Variants in ROBO2 observed in about 807,000 individuals in gnomAD.
ROBO2 encodes the protein roundabout guidance receptor 2.
A neutral mutation model predicts 160.8 loss-of-function variants in ROBO2; 53 were observed. The ratio of observed to expected loss-of-function variants is 0.33; its 90% confidence interval spans 0.26 to 0.41. The LOEUF (loss-of-function observed/expected upper bound fraction) is 0.41, where lower values mean the gene tolerates loss of function less well. Among genes scored for constraint, ROBO2 ranks in the 10% least tolerant of loss-of-function variants. ROBO2 has a pLI of 1.00. For missense variants in ROBO2, 1,577 were observed against 1,722.4 expected, an observed-to-expected ratio of 0.92 and a Z score of 1.49; for synonymous variants, 664 against 611.7, an observed-to-expected ratio of 1.09 and a Z score of -1.26.
At chr3:76,482,197 T>C (rs2079248357) in intron 2 of ROBO2, among the ~76,000 whole-genome samples, 1 of 152,172 alleles carries the variant, frequency 6.6e-6, no homozygotes, top group African/African-American at 2.4e-5. Flanking sequence ...ATGTCATCTT[T>C]TCAAACACAA....
chr3:77,579,511 T>C (rs1393346399), intron 15 of ROBO2, among the ~76,000 whole-genome samples: 1 of 152,152 alleles, frequency 6.6e-6, no homozygotes, highest in African/African-American at 2.4e-5. Context: ...TATTACAACT[T>C]ATAATCACCA....
chr3:76,837,160 T>C (rs1223784398), intron 2 of ROBO2, among the ~76,000 whole-genome samples: 1 of 151,896 alleles, frequency 6.6e-6, no homozygotes, highest in Non-Finnish European at 1.5e-5. Context: ...TCATTTACAG[T>C]TGAAGCAATT....
At chr3:77,483,955 G>A (rs1026270496) in intron 4 of ROBO2, among the ~76,000 whole-genome samples, 3 of 151,280 alleles carry the variant, frequency 2.0e-5, no homozygotes, top group African/African-American at 7.3e-5. Flanking sequence ...GATTCTAGTG[G>A]GCTTGTACTT....
At chr3:77,195,537 C>T (rs1333772976) in intron 2 of ROBO2, among the ~76,000 whole-genome samples, 1 of 152,176 alleles carries the variant, frequency 6.6e-6, no homozygotes, top group African/African-American at 2.4e-5. Context: ...TAAAGATTCT[C>T]TTCTTTTTAA....
chr3:76,569,422 G>A (rs937672362), intron 2 of ROBO2, among the ~76,000 whole-genome samples: 10 of 152,034 alleles, frequency 6.6e-5, no homozygotes, highest in African/African-American at 1.7e-4. Context: ...AAGGCTTGTC[G>A]CTGACTTAGT....
chr3:75,913,751 G>A (rs796546527), intron 1 of ROBO2, among the ~76,000 whole-genome samples: 3 of 152,252 alleles, frequency 2.0e-5, no homozygotes, highest in African/African-American at 7.2e-5. Flanking sequence ...CTTAGTTCTT[G>A]TTTACAAAAT....
intron 2 of ROBO2, among the ~76,000 whole-genome samples, chr3:76,071,036 C>G (rs1186082779): frequency 6.6e-6 from 1 of 152,032 alleles, no homozygotes; most frequent in Non-Finnish European, 1.5e-5. Flanking sequence ...TAATTTCTAC[C>G]ATCGTGAAAA....
At chr3:76,260,175 C>G (rs140404695) in intron 2 of ROBO2, among the ~76,000 whole-genome samples, 2 of 152,040 alleles carry the variant, frequency 1.3e-5, no homozygotes, top group Non-Finnish European at 2.9e-5. Flanking sequence ...TAAGTGTATG[C>G]GGAATCCCAG....
chr3:77,522,483 G>A (rs2090701671), intron 5 of ROBO2, among the ~76,000 whole-genome samples: 1 of 151,048 alleles, frequency 6.6e-6, no homozygotes, highest in African/African-American at 2.4e-5. Context: ...GCAGTCAAGA[G>A]CTACAAAATA....
At chr3:76,453,712 C>A (rs1403370140) in intron 2 of ROBO2, among the ~76,000 whole-genome samples, 1 of 152,084 alleles carries the variant, frequency 6.6e-6, no homozygotes, top group Non-Finnish European at 1.5e-5. Flanking sequence ...CCAAACATGT[C>A]ATGGGCATGC....
chr3:76,551,328 C>T (rs966812230), intron 2 of ROBO2, among the ~76,000 whole-genome samples: 4 of 152,052 alleles, frequency 2.6e-5, no homozygotes, highest in African/African-American at 9.7e-5. Flanking sequence ...GCTGAATACC[C>T]ATCAGGACAA....
chr3:77,309,558 T>A lies in ROBO2; in HGVS notation c.389-167856T>A, dbSNP rs924078153. Among the ~76,000 whole-genome samples the A allele has an allele frequency of 2.6e-5, 4 of 152,330 alleles. No individual in the cohort carries two copies. The South Asian group carries it at 8.3e-4, about 32-fold the overall frequency. ...AGTCTCATAATTAGGGTTGCCAAGT[T>A]TAGTACATAAAAATACTTGTATTAA... is the stretch of plus-strand genomic sequence containing the variant. On this transcript the variant is annotated intron_variant, in intron 2 of 25. Transcript: ENST00000461745.
chr3:76,413,656 C>T (rs1197321267), intron 2 of ROBO2, among the ~76,000 whole-genome samples: 1 of 152,176 alleles, frequency 6.6e-6, no homozygotes, highest in Non-Finnish European at 1.5e-5. Flanking sequence ...TCATCTCCAT[C>T]TGAGACCCCC....
intron 2 of ROBO2, among the ~76,000 whole-genome samples, chr3:77,030,643 T>C (rs779140219): frequency 7.2e-5 from 11 of 152,102 alleles, no homozygotes; most frequent in Non-Finnish European, 1.6e-4. Context: ...TAGAGAAAAA[T>C]TGGTTCTCGT....
chr3:75,967,748 C>G (rs1241945429), intron 2 of ROBO2, among the ~76,000 whole-genome samples: 1 of 151,398 alleles, frequency 6.6e-6, no homozygotes, highest in African/African-American at 2.4e-5. Context: ...TTTTTAGCCT[C>G]TTTAAATAAA....
At chr3:76,710,088 G>A (rs1447630532) in intron 2 of ROBO2, among the ~76,000 whole-genome samples, 3 of 151,814 alleles carry the variant, frequency 2.0e-5, no homozygotes, top group Non-Finnish European at 4.4e-5. Context: ...GCTGAGGCCT[G>A]CCCCTCTTCC....
At chr3:77,118,308 G>T (rs1304776488) in intron 2 of ROBO2, among the ~76,000 whole-genome samples, 2 of 152,124 alleles carry the variant, frequency 1.3e-5, no homozygotes, top group Non-Finnish European at 2.9e-5. Context: ...TGAAAAAACT[G>T]CTGTGGATGT....
intron 2 of ROBO2, among the ~76,000 whole-genome samples, chr3:76,682,219 C>T (rs1021808590): frequency 6.6e-6 from 1 of 152,006 alleles, no homozygotes; most frequent in Non-Finnish European, 1.5e-5. Context: ...CAGTTTTGAA[C>T]CCTAATATCA....
At chr3:76,604,268 TAAG>T (rs1183263646) in intron 2 of ROBO2, among the ~76,000 whole-genome samples, 1 of 152,168 alleles carries the variant, frequency 6.6e-6, no homozygotes, top group African/African-American at 2.4e-5. Flanking sequence ...TTTTTGGACT[TAAG>T]AAGCAGTATG....
Sources: allele counts gnomAD v4.1 joint callset (sites outside exome capture counted in the v4.1 genomes callset), GRCh38; gene constraint gnomAD v4.1.1; transcripts MANE v1.5; gene names NCBI Gene and HGNC (gene_info 2026-07-23, HGNC 2026-07-21).